KAZN: variants seen among roughly 807,000 people sequenced by gnomAD.
KAZN encodes the protein kazrin.
A neutral mutation model predicts 87.4 loss-of-function variants in KAZN; 40 were observed. The ratio of observed to expected loss-of-function variants is 0.46; its 90% CI spans 0.36 to 0.60. The LOEUF (loss-of-function observed/expected upper bound fraction) is 0.60. Ranked by LOEUF, KAZN falls within the 20% of genes least tolerant of loss-of-function variation. KAZN has a pLI of 0.00. For synonymous variants in KAZN, 466 were observed against 458.3 expected, an observed-to-expected ratio of 1.02 and a Z score of -0.22; for missense variants, 898 against 1,073.9, an observed-to-expected ratio of 0.84 and a Z score of 2.29.
intron 1 of KAZN, among the ~76,000 whole-genome samples, chr1:14,805,650 C>T (rs1361719597): frequency 1.3e-5 from 2 of 151,780 alleles, no homozygotes; most frequent in South Asian, 2.1e-4. Context: ...CCCAGCTACT[C>T]GGGAGGCTGA....
At chr1:14,809,845 A>G (rs901904676) in intron 1 of KAZN, among the ~76,000 whole-genome samples, 6 of 152,154 alleles carry the variant, frequency 3.9e-5, no homozygotes, top group Non-Finnish European at 8.8e-5. Context: ...TGGTGGGTCT[A>G]TAAGCCAGGT....
At chr1:14,263,742 T>C (rs182114923) in intron 2 of KAZN, among the ~76,000 whole-genome samples, 19 of 152,330 alleles carry the variant, frequency 1.2e-4, no homozygotes, top group Admixed American at 3.3e-4. Context: ...AACTGCTAAA[T>C]AGTTATCAAA....
chr1:14,432,756 T>C lies in KAZN; in HGVS notation c.250-166227T>C, dbSNP rs549854930. Among the ~76,000 whole-genome samples, 3 of 152,048 alleles carry C rather than the reference T, an allele frequency of 2.0e-5. No homozygotes were observed. In the South Asian group the frequency reaches 6.2e-4, roughly 32 times the overall value. On this transcript the variant is annotated intron_variant, in intron 2 of 16. Transcript: ENST00000636203. ...CCAACCCCCAAGAGGTCCCGGTGTG[T>C]GTTGTTCCTCTCCGTGTCCCTATGT... is the stretch of plus-strand genomic sequence containing the variant.
intron 1 of KAZN, among the ~76,000 whole-genome samples, chr1:14,825,253 A>G (rs113150994): frequency 1.2e-4 from 19 of 152,332 alleles, no homozygotes; most frequent in African/African-American, 3.4e-4. Flanking sequence ...CAGAGATCCT[A>G]TGACTCCTTT....
chr1:14,287,231 C>T (rs536833411), intron 2 of KAZN, among the ~76,000 whole-genome samples: 1 of 152,222 alleles, frequency 6.6e-6, no homozygotes, highest in East Asian at 1.9e-4. Flanking sequence ...GGCTGGTTCA[C>T]CCAACATCCA....
At chr1:14,846,766 T>C (rs1162601401) in intron 1 of KAZN, among the ~76,000 whole-genome samples, 1 of 152,220 alleles carries the variant, frequency 6.6e-6, no homozygotes, top group East Asian at 1.9e-4. Context: ...ATTTCCTGAG[T>C]GCCTTCTACC....
chr1:13,995,125 G>C (rs1249060307), intron 1 of KAZN, among the ~76,000 whole-genome samples: 1 of 151,248 alleles, frequency 6.6e-6, no homozygotes, highest in Non-Finnish European at 1.5e-5. Context: ...ATACTTAATG[G>C]TGAAATATTA....
chr1:14,337,098 GGTT>G (rs1420331122), intron 2 of KAZN, among the ~76,000 whole-genome samples: 1 of 152,212 alleles, frequency 6.6e-6, no homozygotes, highest in Non-Finnish European at 1.5e-5. Context: ...CAGCTTCACT[GGTT>G]GTTAGACAAT....
intron 1 of KAZN, among the ~76,000 whole-genome samples, chr1:14,663,358 C>T (rs1357751259): frequency 6.6e-6 from 1 of 152,144 alleles, no homozygotes; most frequent in Non-Finnish European, 1.5e-5. Flanking sequence ...ACTTGGTTCG[C>T]CGGGGCCACA....
At chr1:14,196,370 A>G (rs1046789407) in intron 2 of KAZN, among the ~76,000 whole-genome samples, 5 of 152,218 alleles carry the variant, frequency 3.3e-5, no homozygotes, top group Non-Finnish European at 5.9e-5. Flanking sequence ...TAGGTGACCT[A>G]TTAGGAGACA....
At chr1:13,983,012 C>T (rs1638816194) in intron 1 of KAZN, among the ~76,000 whole-genome samples, 1 of 152,194 alleles carries the variant, frequency 6.6e-6, no homozygotes, top group Non-Finnish European at 1.5e-5. Context: ...GAGCTAGATA[C>T]AGAGTGCCCA....
At chr1:14,552,497 G>A (rs1673601136) in intron 2 of KAZN, among the ~76,000 whole-genome samples, 1 of 152,230 alleles carries the variant, frequency 6.6e-6, no homozygotes, top group Non-Finnish European at 1.5e-5. Flanking sequence ...CTTGGCGGTT[G>A]CCAGGGAAAC....
chr1:14,597,618 A>T (rs933070940), upstream of KAZN, among the ~76,000 whole-genome samples: 14 of 152,142 alleles, frequency 9.2e-5, no homozygotes, highest in African/African-American at 3.4e-4. Flanking sequence ...TTCCTGTAAG[A>T]ACCTGAAGGG....
intron 2 of KAZN, among the ~76,000 whole-genome samples, chr1:14,509,121 G>C (rs150878447): frequency 3.3e-5 from 5 of 152,354 alleles, no homozygotes; most frequent in African/African-American, 1.2e-4. Context: ...AGTCTCTGAA[G>C]CACAGTGTAC....
In KAZN at chr1:15,117,559, G is replaced by A. The variant is rs982681987; in HGVS notation, c.*2924G>A. 1 of 152,410 alleles carries A rather than the reference G, an allele frequency of 6.6e-6. No homozygotes were observed. The highest frequency in any genetic ancestry group is 6.5e-5 in the Admixed American group (1 of 15,292). The allele number at this position is 152,410 out of a possible 1,614,324, so 9.4% of individuals were successfully genotyped here. A position where few individuals can be genotyped will look rare whatever the true frequency, so the allele number is the denominator to read the frequency against. On this transcript the variant is annotated 3_prime_UTR_variant, in exon 15 of 15. Transcript: ENST00000376030. ...AGAGAAGGGCGTCTCTACACAGCCC[G>A]GCCAGCGTGGAGGGCCCCAGGACAG...
At chr1:14,074,343 C>T (rs1643361770) in intron 1 of KAZN, among the ~76,000 whole-genome samples, 1 of 152,192 alleles carries the variant, frequency 6.6e-6, no homozygotes, top group South Asian at 2.1e-4. Flanking sequence ...AGCCCCTCCT[C>T]ACCAACATAC....
At chr1:14,292,716 G>T (rs1051185489) in intron 2 of KAZN, among the ~76,000 whole-genome samples, 2 of 152,182 alleles carry the variant, frequency 1.3e-5, no homozygotes, top group Non-Finnish European at 1.5e-5. Flanking sequence ...TTTCATCTGC[G>T]TGTTGGTGCA....
chr1:13,896,218 C>T lies in KAZN; in HGVS notation c.91+2462C>T, dbSNP rs76821109. On this transcript the variant is annotated intron_variant, in intron 1 of 16. Transcript: ENST00000636203. ...TGGCTTTATAGTCTACAAGTTTTCG[C>T]TCATGACTACTTGGCTCTACCGTTG... is the stretch of plus-strand genomic sequence containing the variant. Among the ~76,000 whole-genome samples the T allele has an allele frequency of 9.8e-3, 1,494 of 152,278 alleles. 20 individuals carry two copies. Among genetic ancestry groups the T allele is most frequent in the African/African-American group, 0.034 (1,408 of 41,542 alleles).
chr1:14,741,625 A>T (rs1644101428), intron 1 of KAZN, among the ~76,000 whole-genome samples: 1 of 152,130 alleles, frequency 6.6e-6, no homozygotes, highest in Admixed American at 6.5e-5. Flanking sequence ...CATGAGGCTG[A>T]GCTACTTGCT....
Sources: gnomAD v4.1 joint callset for allele counts (sites outside exome capture counted in the v4.1 genomes callset) on GRCh38, gnomAD v4.1.1 for gene constraint, MANE v1.5 for transcripts, NCBI Gene and HGNC (gene_info 2026-07-23, HGNC 2026-07-21) for gene names.